The following SMLR1 variants were observed in gnomAD, a reference collection of about 807,000 sequenced individuals.
The protein encoded by SMLR1 is small leucine-rich protein 1.
SMLR1 carries 3 observed loss-of-function variants against 6.1 expected under a neutral mutation model. The ratio of observed to expected loss-of-function variants is 0.49; its 90% CI spans 0.22 to 1.28. The LOEUF is 1.28. Among genes scored for constraint, SMLR1 ranks in the 50% most tolerant of loss-of-function variants. The pLI is 0.19. For missense variants in SMLR1, 126 were observed against 124.8 expected (o/e 1.01, Z -0.05); for synonymous variants, 55 against 53.6 (o/e 1.03, Z -0.11).
At chr6:130,834,324 A>C (rs1266468612) in intron 1 of SMLR1, among the ~76,000 whole-genome samples, 1 of 152,154 alleles carries the variant, frequency 6.6e-6, no homozygotes, top group Non-Finnish European at 1.5e-5. Context: ...TAGGGATTGG[A>C]AAATGCCACT....
Position 130,827,501 on chromosome 6 carries a change from C to T in SMLR1, c.88C>T (p.Pro30Ser), listed in dbSNP as rs1774311062. The change falls in exon 1 of 2, where the codon CCC (proline) becomes TCC (serine). Residue 30 changes from proline to serine, a missense_variant. Coordinates refer to ENST00000541421, the MANE Select transcript of SMLR1 (RefSeq NM_001195597.2). ...GGTCCTGAGTGTGACTCCCATGGTCCCCGTGGGGTCTGTGTGGTTGGCAAT... is the reference window on the plus strand; with the variant it reads ...GGTCCTGAGTGTGACTCCCATGGTCTCCGTGGGGTCTGTGTGGTTGGCAAT... ...ALVLSVTPMV[P>S]VGSVWLAMSS... 2.0e-6 allele frequency: 3 copies of T among 1,535,930 alleles called. No homozygotes were observed. The highest frequency in any genetic ancestry group is 2.6e-6 in the Non-Finnish European group (3 of 1,146,848).
At chr6:130,828,077 C>T (rs1230448218) in intron 1 of SMLR1, among the ~76,000 whole-genome samples, 3 of 152,200 alleles carry the variant, frequency 2.0e-5, no homozygotes, top group Non-Finnish European at 4.4e-5. Context: ...TGTGCACACA[C>T]ACAACTTTCT....
At chr6:130,832,900 T>C (rs953442458) in intron 1 of SMLR1, among the ~76,000 whole-genome samples, 8 of 152,104 alleles carry the variant, frequency 5.3e-5, no homozygotes, top group African/African-American at 1.9e-4. Context: ...TTTTACAACA[T>C]CTTTGAAGAA....
chr6:130,834,792 C>A, intron 1 of SMLR1, 78 bp from the exon 2 acceptor site: 1 of 1,236,606 alleles, frequency 8.1e-7, no homozygotes, highest in Non-Finnish European at 1.1e-6. Flanking sequence ...GATATGCTGG[C>A]CAACAGCCCT....
rs1264478628 is a variant in SMLR1 at position 130,836,668 on chromosome 6, TG to T, written c.*1714del. On this transcript the variant is annotated 3_prime_UTR_variant, in exon 2 of 2. Transcript: ENST00000541421. ...CAATGAAACTGACTAGATTTATGAA[TG>T]TTTTTTATATGTAGAGAGGGGCAGA... 6.6e-6 allele frequency: 1 copy of T among 152,230 alleles called. No homozygotes were observed. The highest frequency in any genetic ancestry group is 1.5e-5 in the Non-Finnish European group (1 of 68,030). 9.4% of individuals were successfully genotyped at this position (152,230 alleles called of 1,614,324 possible). A position where few individuals can be genotyped will look rare whatever the true frequency, so the allele number is the denominator to read the frequency against.
rs143012641 is a variant in SMLR1, at chr6:130,831,301, G to A, written c.239-3569G>A. Among the ~76,000 whole-genome samples the A allele has an allele frequency of 7.9e-5, 12 of 152,090 alleles. No individual in the cohort carries two copies. In the East Asian group the frequency reaches 9.7e-4, roughly 12 times the overall value. Reference sequence around the variant, plus strand: ...GAAGTTTATATTCAAACCATCTTTCGGTTGTATTTCCCTCCTCTCCCACAT... The same window carrying A: ...GAAGTTTATATTCAAACCATCTTTCAGTTGTATTTCCCTCCTCTCCCACAT... On this transcript the variant is annotated intron_variant, in intron 1 of 1. Coordinates refer to ENST00000541421, the MANE Select transcript of SMLR1 (RefSeq NM_001195597.2).
Position 130,836,629 on chromosome 6 carries a change from G to A in SMLR1, c.*1674G>A, listed in dbSNP as rs138171004. ...CTGTTTCTTTTCTGCCATCCAATGA[G>A]AGCAGAGAATCTCCAATGAAACTGA... On this transcript the variant is annotated 3_prime_UTR_variant, in exon 2 of 2. Transcript: ENST00000541421. 1.7e-4 allele frequency: 26 copies of A among 152,326 alleles called. No homozygotes were observed. Among genetic ancestry groups the A allele is most frequent in the African/African-American group, 6.0e-4 (25 of 41,574 alleles). 9.4% of individuals were successfully genotyped at this position (152,326 alleles called of 1,614,324 possible).
In SMLR1 at chr6:130,836,457, C is replaced by T. The variant is rs989121403; in HGVS notation, c.*1502C>T. ...TGTGGCTCAGCTATCAAGGTTTGCT[C>T]CATCTTCCTCCAATAATGGGCACTT... On this transcript the variant is annotated 3_prime_UTR_variant, in exon 2 of 2. Transcript: ENST00000541421. 1.3e-5 allele frequency: 2 copies of T among 152,226 alleles called. No individual in the cohort carries two copies. The highest frequency in any genetic ancestry group is 4.8e-5 in the African/African-American group (2 of 41,456). 9.4% of individuals were successfully genotyped at this position (152,226 alleles called of 1,614,324 possible).
intron 1 of SMLR1, among the ~76,000 whole-genome samples, chr6:130,830,302 G>C (rs1471181932): frequency 6.6e-6 from 1 of 152,068 alleles, no homozygotes; most frequent in Non-Finnish European, 1.5e-5. Flanking sequence ...TCCATTTTCT[G>C]TGGTTTTTCC....
Position 130,827,645 on chromosome 6 carries a change from A to AT in SMLR1, c.234dup (p.Glu79Ter). 6.5e-7 allele frequency: 1 copy of AT among 1,535,722 alleles called. No individual in the cohort carries two copies. On this transcript the variant is annotated frameshift_variant, in exon 1 of 2. Transcript: ENST00000541421. LOFTEE classifies it low-confidence loss of function (END_TRUNC). ...CATCGCCTACTTCAGGATCAAACTG[A>AT]TTGAGGGTAAGTGTGAGGCCACACA... is the stretch of plus-strand genomic sequence containing the variant.
intron 1 of SMLR1, among the ~76,000 whole-genome samples, chr6:130,834,193 A>C (rs192258382): frequency 1.3e-5 from 2 of 152,268 alleles, no homozygotes; most frequent in Non-Finnish European, 1.5e-5. Flanking sequence ...CAGAGACATA[A>C]TAGTTGAAGC....
rs1286338528 is a variant in SMLR1, at chr6:130,836,380, A to T, written c.*1425A>T. On this transcript the variant is annotated 3_prime_UTR_variant, in exon 2 of 2. Coordinates refer to ENST00000541421, the MANE Select transcript of SMLR1 (RefSeq NM_001195597.2). Reference sequence around the variant, plus strand: ...ATGTAAAAATGCTTTCTTTAACAGAAAGTGTGAAAGGACAGATCGTATTCC... The same window carrying T: ...ATGTAAAAATGCTTTCTTTAACAGATAGTGTGAAAGGACAGATCGTATTCC... 1 of 152,152 alleles carries T rather than the reference A, an allele frequency of 6.6e-6. No homozygotes were observed. Among genetic ancestry groups the T allele is most frequent in the Non-Finnish European group, 1.5e-5 (1 of 67,998 alleles). The allele number at this position is 152,152 out of a possible 1,614,324, so 9.4% of individuals were successfully genotyped here. A position where few individuals can be genotyped will look rare whatever the true frequency, so the allele number is the denominator to read the frequency against.
chr6:130,827,467 AG>A lies in SMLR1; in HGVS notation c.55del (p.Ala19LeufsTer5), dbSNP rs1238306292. ...RRKQVQTQRK[A>X]ALVLSVTPMV... ...GAAAACAAGTACAGACTCAGAGGAA[AG>A]CTGCCCTGGTCCTGAGTGTGACTCC... On this transcript the variant is annotated frameshift_variant, in exon 1 of 2. Transcript: ENST00000541421. LOFTEE classifies it high-confidence loss of function. The A allele has an allele frequency of 6.5e-7, 1 of 1,535,906 alleles. No individual in the cohort carries two copies.
intron 1 of SMLR1, among the ~76,000 whole-genome samples, chr6:130,833,406 T>C (rs1774531163): frequency 6.6e-6 from 1 of 152,122 alleles, no homozygotes; most frequent in African/African-American, 2.4e-5. Flanking sequence ...AGTTAGCCAT[T>C]GGTAATAAGA....
chr6:130,834,811 C>T (rs918876523), intron 1 of SMLR1, 59 bp from the exon 2 acceptor site: 2 of 1,438,774 alleles, frequency 1.4e-6, no homozygotes, highest in Admixed American at 3.9e-5. Context: ...CTTATGAACT[C>T]TAAATGACCA....
intron 1 of SMLR1, among the ~76,000 whole-genome samples, chr6:130,832,625 A>G (rs536397098): frequency 1.7e-4 from 26 of 152,310 alleles, no homozygotes; most frequent in African/African-American, 6.3e-4. Flanking sequence ...GAATTCTAAG[A>G]AGGCACTGTT....
At chr6:130,833,441 T>C (rs112729598) in intron 1 of SMLR1, among the ~76,000 whole-genome samples, 113 of 152,316 alleles carry the variant, frequency 7.4e-4, no homozygotes, top group African/African-American at 2.6e-3. Flanking sequence ...AGTACTCATA[T>C]TTCAGTGAGT....
intron 1 of SMLR1, among the ~76,000 whole-genome samples, chr6:130,833,544 G>A (rs981602683): frequency 6.6e-6 from 1 of 152,130 alleles, no homozygotes; most frequent in Non-Finnish European, 1.5e-5. Context: ...TGAAACTGTG[G>A]TCTCTGAAGT....
rs144932526 is a variant in SMLR1, at chr6:130,833,509, C to T, written c.239-1361C>T. 5.3e-4 allele frequency among the ~76,000 whole-genome samples: 81 copies of T among 152,226 alleles called. 1 individual carries two copies. In the East Asian group the frequency reaches 0.013, roughly 25 times the overall value. ...ATACCTTTGAAATAGCGATAATCTA[C>T]GGAAAGTCAGTGTGACTCAGTAGCT... On this transcript the variant is annotated intron_variant, in intron 1 of 1. Coordinates refer to ENST00000541421, the MANE Select transcript of SMLR1 (RefSeq NM_001195597.2).
Sources: gnomAD v4.1 joint callset for allele counts (sites outside exome capture counted in the v4.1 genomes callset) on GRCh38, gnomAD v4.1.1 for gene constraint, MANE v1.5 for transcripts, NCBI Gene and HGNC (gene_info 2026-07-23, HGNC 2026-07-21) for gene names.